ACSM1: variants seen among roughly 807,000 people sequenced by gnomAD.
ACSM1 encodes the protein acyl-CoA synthetase medium chain family member 1, also known as acyl-coenzyme A synthetase ACSM1, mitochondrial.
A neutral mutation model predicts 75.8 loss-of-function variants in ACSM1; 79 were observed. The observed-to-expected ratio is 1.04, with a 90% CI of 0.87 to 1.26. ACSM1 has a LOEUF of 1.26. Ranked by LOEUF, ACSM1 falls within the 50% of genes most tolerant of loss-of-function variation. The pLI is 0.00. For missense variants in ACSM1, 676 were observed against 720.1 expected, an observed-to-expected ratio of 0.94 and a Z score of 0.70; for synonymous variants, 279 against 265.8, an observed-to-expected ratio of 1.05 and a Z score of -0.48.
chr16:20,688,755 C>G (rs1031765303), intron 2 of ACSM1, among the ~76,000 whole-genome samples: 3 of 151,802 alleles, frequency 2.0e-5, no homozygotes, highest in Non-Finnish European at 4.4e-5. Flanking sequence ...CTTGCCCCTA[C>G]AAGAAATGCT....
chr16:20,635,630 TTCTTTCTTTCTTTC>T (rs1278822040), intron 10 of ACSM1, among the ~76,000 whole-genome samples: 4 of 120,674 alleles, frequency 3.3e-5, no homozygotes, highest in African/African-American at 1.2e-4. Context: ...CTTTCTTTCT[TTCTTTCTTTCTTTC>T]TTTCTTTCAT....
At chr16:20,655,639 C>A (rs2018918422) in intron 7 of ACSM1, among the ~76,000 whole-genome samples, 1 of 151,934 alleles carries the variant, frequency 6.6e-6, no homozygotes, top group Non-Finnish European at 1.5e-5. Context: ...GATTTTATTA[C>A]AAATATTGTC....
chr16:20,661,190 T>G (rs372056367), intron 7 of ACSM1, among the ~76,000 whole-genome samples: 1 of 152,064 alleles, frequency 6.6e-6, no homozygotes, highest in African/African-American at 2.4e-5. Context: ...TATAAGAAAT[T>G]GTGGTATTTT....
chr16:20,647,354 G>C (rs934336928), intron 7 of ACSM1, among the ~76,000 whole-genome samples: 1 of 152,214 alleles, frequency 6.6e-6, no homozygotes, highest in Non-Finnish European at 1.5e-5. Flanking sequence ...AGTCATGCAT[G>C]CTTAATGGAC....
Position 20,624,120 on chromosome 16 carries a change from T to C in ACSM1, c.1623A>G (p.Thr541=), listed in dbSNP as rs750711125. Residue 541 remains threonine, a synonymous_variant, in exon 13 of 14, where the codon ACA becomes ACG. Transcript: ENST00000520010. ...KELQQHVKSV[T]APYKYPRKVE... ...CCTTCCTTGGGTACTTGTATGGGGC[T>C]GTCACTGACTTGACATGCTGCTGCA... is the stretch of plus-strand genomic sequence containing the variant. The C allele has an allele frequency of 1.7e-5, 28 of 1,613,022 alleles. No homozygotes were observed. The highest frequency in any genetic ancestry group is 1.0e-4 in the Admixed American group (6 of 59,972).
At chr16:20,635,001 C>A (rs916697717) in intron 10 of ACSM1, among the ~76,000 whole-genome samples, 1 of 152,116 alleles carries the variant, frequency 6.6e-6, no homozygotes, top group South Asian at 2.1e-4. Flanking sequence ...GGGAAAAAAA[C>A]CCAAAGAAGT....
rs1327299827 is a variant in ACSM1, at chr16:20,685,418, A to G, written c.193-15T>C. ...CTCTTGCCCTCCTGGTCAAGACCATATATTATGTGTTATTTTCTGCTTCAA... is the reference window on the plus strand; with the variant it reads ...CTCTTGCCCTCCTGGTCAAGACCATGTATTATGTGTTATTTTCTGCTTCAA... On this transcript the variant is annotated splice_polypyrimidine_tract_variant and intron_variant, in intron 2 of 13. Coordinates refer to ENST00000520010, the MANE Select transcript of ACSM1 (RefSeq NM_001318890.3). 1.2e-6 allele frequency: 2 copies of G among 1,612,470 alleles called. No homozygotes were observed. The highest frequency in any genetic ancestry group is 1.1e-5 in the South Asian group (1 of 91,034).
chr16:20,651,094 T>G (rs1042035168), intron 7 of ACSM1, among the ~76,000 whole-genome samples: 1 of 152,184 alleles, frequency 6.6e-6, no homozygotes, highest in Non-Finnish European at 1.5e-5. Flanking sequence ...TTGAATTAAT[T>G]TCCCTCTAGC....
intron 6 of ACSM1, among the ~76,000 whole-genome samples, chr16:20,666,808 T>C (rs972273397): frequency 1.3e-5 from 2 of 152,110 alleles, no homozygotes; most frequent in African/African-American, 4.8e-5. Context: ...TATAGCCATA[T>C]GGTCTTCAAC....
intron 7 of ACSM1, among the ~76,000 whole-genome samples, chr16:20,647,201 C>G (rs1167108583): frequency 6.6e-6 from 1 of 152,168 alleles, no homozygotes; most frequent in Non-Finnish European, 1.5e-5. Context: ...GATAAATGAA[C>G]CATGTGGATG....
At chr16:20,628,389 G>C (rs534557112) in intron 10 of ACSM1, among the ~76,000 whole-genome samples, 2 of 152,204 alleles carry the variant, frequency 1.3e-5, no homozygotes, top group South Asian at 4.2e-4. Flanking sequence ...CTCTGATGGT[G>C]CTCTTTTATA....
chr16:20,675,420 T>G (rs1442068108), intron 4 of ACSM1, among the ~76,000 whole-genome samples: 1 of 152,130 alleles, frequency 6.6e-6, no homozygotes, highest in Non-Finnish European at 1.5e-5. Context: ...GCTTCACAGC[T>G]GCAGCAGTCT....
intron 1 of ACSM1, among the ~76,000 whole-genome samples, chr16:20,696,555 A>G (rs901656697): frequency 1.3e-5 from 2 of 152,272 alleles, no homozygotes; most frequent in Non-Finnish European, 2.9e-5. Context: ...TACCATGTAC[A>G]GTTTTAGATA....
chr16:20,678,898 T>C (rs2079374568), intron 4 of ACSM1, among the ~76,000 whole-genome samples: 2 of 152,014 alleles, frequency 1.3e-5, no homozygotes, highest in South Asian at 2.1e-4. Context: ...ATTCCCCCTC[T>C]GAGATTTTGT....
At chr16:20,677,049 A>G (rs79254862) in intron 4 of ACSM1, among the ~76,000 whole-genome samples, 1 of 151,350 alleles carries the variant, frequency 6.6e-6, no homozygotes, top group Non-Finnish European at 1.5e-5. Context: ...AACAAAAGCA[A>G]TCTGTTTGTG....
At chr16:20,643,151 T>G (rs1248881716) in intron 7 of ACSM1, among the ~76,000 whole-genome samples, 1 of 152,150 alleles carries the variant, frequency 6.6e-6, no homozygotes, top group Non-Finnish European at 1.5e-5. Context: ...CAAACCAATG[T>G]TCCCAACTCT....
At chr16:20,660,928 T>A (rs1400353389) in intron 7 of ACSM1, among the ~76,000 whole-genome samples, 1 of 152,148 alleles carries the variant, frequency 6.6e-6, no homozygotes, top group Non-Finnish European at 1.5e-5. Flanking sequence ...AGTCTGACAA[T>A]ACCAAATGTT....
intron 10 of ACSM1, among the ~76,000 whole-genome samples, chr16:20,632,218 G>C (rs964901806): frequency 6.6e-6 from 1 of 152,056 alleles, no homozygotes; most frequent in Admixed American, 6.5e-5. Context: ...CATAGCAGAA[G>C]CAGGAAATAA....
intron 1 of ACSM1, 154 bp from the exon 2 acceptor site, chr16:20,691,393 T>C (rs1166093647): frequency 1.8e-5 from 9 of 505,042 alleles, no homozygotes; most frequent in Non-Finnish European, 2.4e-5. Context: ...GGATTTATCT[T>C]CCCAGCTGAG....
Sources: gnomAD v4.1 joint callset for allele counts (sites outside exome capture counted in the v4.1 genomes callset) on GRCh38, gnomAD v4.1.1 for gene constraint, MANE v1.5 for transcripts, NCBI Gene and HGNC (gene_info 2026-07-23, HGNC 2026-07-21) for gene names.